Variants in PXYLP1 observed in about 807,000 individuals in gnomAD.
PXYLP1 encodes acid phosphatase-like 2.
PXYLP1 carries 17 observed loss-of-function variants against 37.9 expected under a neutral mutation model. The ratio of observed to expected loss-of-function variants is 0.45; its 90% CI spans 0.31 to 0.67. The LOEUF (loss-of-function observed/expected upper bound fraction) is 0.67, where lower values mean the gene tolerates loss of function less well. Ranked by LOEUF, PXYLP1 falls within the 30% of genes least tolerant of loss-of-function variation. PXYLP1 has a pLI of 0.07. For missense variants in PXYLP1, 511 were observed against 612.0 expected (o/e 0.84, Z 1.74); for synonymous variants, 221 against 232.2 (o/e 0.95, Z 0.44).
intron 1 of PXYLP1, among the ~76,000 whole-genome samples, chr3:141,250,219 T>A (rs1157631175): frequency 1.3e-5 from 2 of 152,252 alleles, no homozygotes; most frequent in Admixed American, 6.5e-5. Flanking sequence ...CTCTGCTGAA[T>A]TACACCTGAG....
chr3:141,280,856 G>T lies in PXYLP1; in HGVS notation c.365+1352G>T, dbSNP rs546755718. On this transcript the variant is annotated intron_variant, in intron 4 of 5. Transcript: ENST00000286353. The stretch of plus-strand genomic sequence containing the variant: ...CGGAATACTGTGGCCAGCAGGCAGG[G>T]TGCAGTGAGCTGAACCAAGCACTAG... 6.6e-5 allele frequency among the ~76,000 whole-genome samples: 10 copies of T among 152,320 alleles called. No individual in the cohort carries two copies. In the South Asian group the frequency reaches 1.9e-3, roughly 28 times the overall value.
At chr3:141,267,901 C>G (rs75954082) in intron 2 of PXYLP1, among the ~76,000 whole-genome samples, 2,285 of 152,124 alleles carry the variant, frequency 0.015, 62 homozygotes, top group East Asian at 0.098. Context: ...CTCCCACCTT[C>G]CCTTTCTCTC....
intron 1 of PXYLP1, among the ~76,000 whole-genome samples, chr3:141,249,284 A>G (rs1941086967): frequency 6.6e-6 from 1 of 152,170 alleles, no homozygotes; most frequent in Non-Finnish European, 1.5e-5. Flanking sequence ...ATCCCAGCCT[A>G]AAAAGGCCTC....
chr3:141,285,227 G>A (rs1325935445), intron 4 of PXYLP1, among the ~76,000 whole-genome samples: 1 of 134,172 alleles, frequency 7.5e-6, no homozygotes, highest in East Asian at 2.2e-4. Flanking sequence ...GCTCACTGCA[G>A]CCTCGACCTC....
chr3:141,262,813 A>ATTAT, intron 2 of PXYLP1: 1 of 982,596 alleles, frequency 1.0e-6, no homozygotes, highest in African/African-American at 1.6e-5. Context: ...GCTTATTATT[A>ATTAT]TACTGTAAGA....
At chr3:141,280,800 G>A (rs78254537) in intron 4 of PXYLP1, among the ~76,000 whole-genome samples, 15,936 of 152,142 alleles carry the variant, frequency 0.1, 946 homozygotes, top group African/African-American at 0.15. Flanking sequence ...GGTGTGCCCT[G>A]GAGCATGCCC....
intron 2 of PXYLP1, 67 bp downstream of exon 2, chr3:141,260,321 A>G (rs1185517173): frequency 1.3e-6 from 2 of 1,549,182 alleles, no homozygotes. Flanking sequence ...GGAGGCCCCA[A>G]AGGCTTGTTT....
At chr3:141,251,881 C>T (rs11713257) in intron 1 of PXYLP1, among the ~76,000 whole-genome samples, 1 of 152,038 alleles carries the variant, frequency 6.6e-6, no homozygotes, top group Non-Finnish European at 1.5e-5. Context: ...GTAAGTAGCT[C>T]ACTTGTGGCT....
At chr3:141,270,976 G>C (rs879850415) in intron 2 of PXYLP1, among the ~76,000 whole-genome samples, 2 of 152,136 alleles carry the variant, frequency 1.3e-5, no homozygotes, top group African/African-American at 4.8e-5. Context: ...CTGCAGCCCC[G>C]AACTCCTGAG....
intron 4 of PXYLP1, among the ~76,000 whole-genome samples, chr3:141,286,569 T>C (rs1307461257): frequency 6.6e-6 from 1 of 152,046 alleles, no homozygotes; most frequent in Non-Finnish European, 1.5e-5. Context: ...CGTTGTGTGT[T>C]GGAGGAAAGA....
intron 1 of PXYLP1, chr3:141,258,796 A>G (rs1043093442): frequency 6.5e-6 from 1 of 152,734 alleles, no homozygotes; most frequent in Non-Finnish European, 1.5e-5. Flanking sequence ...ATTGTCACAT[A>G]TGCCAAATAG....
chr3:141,289,276 C>CAAAAAAAAA (rs112480371), intron 5 of PXYLP1, among the ~76,000 whole-genome samples: 25 of 151,506 alleles, frequency 1.7e-4, no homozygotes, highest in African/African-American at 3.9e-4. Flanking sequence ...GTTCTAGACA[C>CAAAAAAAAA]AAAAACAGAA....
chr3:141,268,948 G>A (rs74827253), intron 2 of PXYLP1, among the ~76,000 whole-genome samples: 1 of 152,326 alleles, frequency 6.6e-6, no homozygotes, highest in East Asian at 1.9e-4. Flanking sequence ...TGTGTCATCC[G>A]AGGGGCTGGA....
At chr3:141,251,601 C>A (rs1023241998) in intron 1 of PXYLP1, among the ~76,000 whole-genome samples, 2 of 152,212 alleles carry the variant, frequency 1.3e-5, no homozygotes, top group African/African-American at 4.8e-5. Flanking sequence ...CATAGTATGT[C>A]TGCTACAGTG....
chr3:141,279,329 G>T, intron 3 of PXYLP1, 49 bp from the exon 4 acceptor site: 1 of 1,609,444 alleles, frequency 6.2e-7, no homozygotes, highest in Non-Finnish European at 8.5e-7. Context: ...CTTCTAAAAG[G>T]ATTGACACCT....
At chr3:141,273,547 A>G (rs1011016885) in intron 2 of PXYLP1, 7 of 985,354 alleles carry the variant, frequency 7.1e-6, no homozygotes, top group Non-Finnish European at 8.4e-6. Flanking sequence ...GTGGGATAGC[A>G]TCTGGTTGTT....
At chr3:141,254,796 C>G (rs950910829) in intron 1 of PXYLP1, among the ~76,000 whole-genome samples, 2 of 152,152 alleles carry the variant, frequency 1.3e-5, no homozygotes, top group Middle Eastern at 3.4e-3. Flanking sequence ...ACATCTGAAG[C>G]ATTTTCTTTA....
chr3:141,256,875 A>G (rs1941275906), intron 1 of PXYLP1, among the ~76,000 whole-genome samples: 1 of 152,142 alleles, frequency 6.6e-6, no homozygotes, highest in Admixed American at 6.5e-5. Context: ...TGCAGACCCC[A>G]GAGAGTATCA....
intron 2 of PXYLP1, chr3:141,262,846 C>G: frequency 2.8e-6 from 2 of 707,494 alleles, no homozygotes; most frequent in Middle Eastern, 3.3e-4. Flanking sequence ...TCATAACGCA[C>G]AGGTTTCGCT....
Sources: gnomAD v4.1 joint callset for allele counts (sites outside exome capture counted in the v4.1 genomes callset) on GRCh38, gnomAD v4.1.1 for gene constraint, MANE v1.5 for transcripts, NCBI Gene and HGNC (gene_info 2026-07-23, HGNC 2026-07-21) for gene names.